Variants in LLGL2 observed in about 807,000 individuals in gnomAD.
LLGL2 encodes the protein LLGL2, scribble cell polarity complex component.
A neutral mutation model predicts 123.2 loss-of-function variants in LLGL2; 81 were observed. The ratio of observed to expected loss-of-function variants is 0.66; its 90% CI spans 0.55 to 0.79. The LOEUF (loss-of-function observed/expected upper bound fraction) is 0.79, where lower values mean the gene tolerates loss of function less well. LLGL2 is among the 30% of genes least tolerant of loss of function. The pLI, the probability that LLGL2 is intolerant of heterozygous loss-of-function variation, is 0.00. For missense variants in LLGL2, 1,273 were observed against 1,414.6 expected (o/e 0.90, Z 1.61); for synonymous variants, 577 against 594.1 (o/e 0.97, Z 0.42).
rs1190513579 is a variant in LLGL2 at position 75,568,489 on chromosome 17, C to G, written c.1050C>G (p.Pro350=). ...CCTGTACCCCAGCCTTTGACGACCC[C>G]TATGCCCTGGTGGTGCTGGCTGAGG... ...EADPAATFDD[P]YALVVLAEEE... is the part of the protein sequence containing the mutation. Residue 350 remains proline (P), a synonymous_variant, in exon 11 of 26, where the codon CCC becomes CCG. Transcript: ENST00000392550. 1.9e-6 allele frequency: 3 copies of G among 1,612,706 alleles called. No individual in the cohort carries two copies. The African/African-American group carries it at 4.0e-5, about 22-fold the overall frequency.
upstream of LLGL2, among the ~76,000 whole-genome samples, chr17:75,525,377 G>C (rs1157396172): frequency 2.6e-5 from 4 of 152,114 alleles, no homozygotes; most frequent in Non-Finnish European, 5.9e-5. The surrounding 1 kb of genome is among the most constrained non-coding windows in gnomAD (Gnocchi z 4.8). Context: ...CTCCCCTGGA[G>C]TCTGGGAGGC....
chr17:75,560,815 A>AC (rs1568056004), intron 6 of LLGL2, among the ~76,000 whole-genome samples: 11 of 104,614 alleles, frequency 1.1e-4, no homozygotes, highest in Admixed American at 2.5e-4. Context: ...AAAAAAAAAA[A>AC]AAAAAAAAAA....
At chr17:75,570,895 T>C in intron 16 of LLGL2, 55 bp from the exon 17 acceptor site, 1 of 1,541,504 alleles carries the variant, frequency 6.5e-7, no homozygotes, top group South Asian at 1.2e-5. Flanking sequence ...AGCGAAGCAC[T>C]GTTCCTGGGG....
intron 17 of LLGL2, 60 bp downstream of exon 17, chr17:75,571,160 C>G (rs1274409600): frequency 3.3e-6 from 5 of 1,495,560 alleles, no homozygotes; most frequent in Admixed American, 1.9e-5. Context: ...ACCCCCTGAC[C>G]TGGGGGCATG....
chr17:75,555,145 C>G (rs1332076886), intron 2 of LLGL2, among the ~76,000 whole-genome samples: 2 of 151,510 alleles, frequency 1.3e-5, no homozygotes, highest in African/African-American at 4.9e-5. Flanking sequence ...CCACTGCACT[C>G]CAGCCTGGGC....
At chr17:75,560,733 G>A (rs2055165893) in intron 6 of LLGL2, among the ~76,000 whole-genome samples, 4 of 133,576 alleles carry the variant, frequency 3.0e-5, no homozygotes, top group South Asian at 2.6e-4. Flanking sequence ...TGATTGACCC[G>A]CCTCAGCCTC....
intron 6 of LLGL2, chr17:75,562,428 C>CA (rs2147442222): frequency 1.3e-5 from 2 of 156,144 alleles, no homozygotes; most frequent in East Asian, 3.8e-4. Context: ...CTCTTGCCCC[C>CA]ACATTGACTT....
chr17:75,533,238 A>G (rs1447364569), intron 1 of LLGL2, among the ~76,000 whole-genome samples: 2 of 144,872 alleles, frequency 1.4e-5, no homozygotes, highest in East Asian at 4.3e-4. Flanking sequence ...TGACCTCGTG[A>G]TCTGCCCGCC....
chr17:75,543,162 C>G, intron 1 of LLGL2: 1 of 313,994 alleles, frequency 3.2e-6, no homozygotes, highest in East Asian at 5.1e-5. Context: ...CCAGCTTTTC[C>G]TACCCCCATT....
At chr17:75,554,894 A>AG (rs2054835615) in intron 2 of LLGL2, among the ~76,000 whole-genome samples, 1 of 149,802 alleles carries the variant, frequency 6.7e-6, no homozygotes, top group Non-Finnish European at 1.5e-5. Flanking sequence ...GTCTCAAAAA[A>AG]AAAAAAAAAT....
intron 17 of LLGL2, 64 bp from the exon 18 acceptor site, chr17:75,571,603 G>T: frequency 8.1e-7 from 1 of 1,235,846 alleles, no homozygotes. Flanking sequence ...AGTAAACCCT[G>T]GTTGCCCAGC....
chr17:75,558,354 A>G lies in LLGL2; in HGVS notation c.255+118A>G, dbSNP rs1415694543. The G allele has an allele frequency of 8.3e-7, 1 of 1,203,104 alleles. No homozygotes were observed. The highest frequency in any genetic ancestry group is 1.2e-6 in the Non-Finnish European group (1 of 854,184). 74.5% of individuals were successfully genotyped at this position (1,203,104 alleles called of 1,614,324 possible). A position where few individuals can be genotyped will look rare whatever the true frequency, so the allele number is the denominator to read the frequency against. On this transcript the variant is annotated intron_variant, in intron 4 of 25. Coordinates refer to ENST00000392550, the MANE Select transcript of LLGL2 (RefSeq NM_001031803.2). This position sits in a 1 kb window ranked among gnomAD's most constrained non-coding sequence, Gnocchi z 4.0. ...GTGGCCCTGGGTTTGCTGCTGATGG[A>G]AAGACCTGGGACCCCCTCCCTTTCC...
intron 2 of LLGL2, among the ~76,000 whole-genome samples, chr17:75,554,302 C>CA (rs72439797): frequency 0.41 from 53,530 of 130,810 alleles, 12,335 homozygotes; most frequent in African/African-American, 0.61. Context: ...AACTCCGTCT[C>CA]AAAAAAAAAA....
Position 75,564,598 on chromosome 17 carries a change from C to T in LLGL2, c.1036+91C>T. On this transcript the variant is annotated intron_variant, in intron 10 of 25. Coordinates refer to ENST00000392550, the MANE Select transcript of LLGL2 (RefSeq NM_001031803.2). This position sits in a 1 kb window ranked among gnomAD's most constrained non-coding sequence, Gnocchi z 4.9. ...AAAGACAGGGCCAGGTGCAGTGGCT[C>T]CTGCCTGTAACCCCAGTGCTGTGGG... 6.4e-7 allele frequency: 1 copy of T among 1,567,380 alleles called. No individual in the cohort carries two copies. Among genetic ancestry groups the T allele is most frequent in the Non-Finnish European group, 8.7e-7 (1 of 1,151,542 alleles).
chr17:75,563,273 T>C lies in LLGL2; in HGVS notation c.694-58T>C, dbSNP rs564014557. The C allele has an allele frequency of 5.0e-6, 8 of 1,603,564 alleles. No homozygotes were observed. The South Asian group carries it at 7.7e-5, about 15-fold the overall frequency. The stretch of plus-strand genomic sequence containing the variant: ...GTGCAGAGGCATGGGGTGCAGGCGA[T>C]GGGAACGCCGCCTCGGTCCAGCGTG... On this transcript the variant is annotated intron_variant, in intron 7 of 25. Transcript: ENST00000392550.
chr17:75,564,283 A>T lies in LLGL2; in HGVS notation c.882-70A>T. 1 of 1,542,880 alleles carries T rather than the reference A, an allele frequency of 6.5e-7. No homozygotes were observed. Among genetic ancestry groups the T allele is most frequent in the Admixed American group, 1.8e-5 (1 of 55,324 alleles). On this transcript the variant is annotated intron_variant, in intron 9 of 25. Coordinates refer to ENST00000392550, the MANE Select transcript of LLGL2 (RefSeq NM_001031803.2). This position sits in a 1 kb window ranked among gnomAD's most constrained non-coding sequence, Gnocchi z 4.9. ...GGACCTTGACTGAGTGGTGACTTTG[A>T]TTGCCGGCCTGTGGCTGTTGAGGCT...
At chr17:75,545,676 G>A (rs1159874005) in intron 2 of LLGL2, among the ~76,000 whole-genome samples, 1 of 152,180 alleles carries the variant, frequency 6.6e-6, no homozygotes, top group African/African-American at 2.4e-5. Flanking sequence ...TGTGAGCAAG[G>A]GAGTGAATAG....
intron 15 of LLGL2, 23 bp from the exon 16 acceptor site, chr17:75,570,325 T>C (rs191657471): frequency 1.2e-6 from 2 of 1,610,136 alleles, no homozygotes; most frequent in African/African-American, 2.7e-5. Context: ...CTAGCAGCAC[T>C]GACAGCCTGC....
intron 1 of LLGL2, among the ~76,000 whole-genome samples, chr17:75,538,955 C>T (rs932328668): frequency 6.6e-6 from 1 of 152,084 alleles, no homozygotes; most frequent in African/African-American, 2.4e-5. Flanking sequence ...TGCAGTGGTA[C>T]AGTCATAGCT....
Sources: gnomAD v4.1 joint callset for allele counts (sites outside exome capture counted in the v4.1 genomes callset) on GRCh38, gnomAD v4.1.1 for gene constraint, Gnocchi (gnomAD v3.1) non-coding constraint, MANE v1.5 for transcripts, NCBI Gene and HGNC (gene_info 2026-07-23, HGNC 2026-07-21) for gene names.